The following CYP4B1 variants were observed in gnomAD, a reference collection of about 807,000 sequenced individuals.
The protein encoded by CYP4B1 is cytochrome P450 4B1.
Under a neutral mutation model 54.0 loss-of-function variants are expected in CYP4B1, and 45 were observed. That is an observed-to-expected ratio of 0.83 (90% CI 0.66 to 1.07). CYP4B1 has a LOEUF of 1.07. CYP4B1 is among the 50% of genes least tolerant of loss of function. The pLI is 0.00. For synonymous variants in CYP4B1, 248 were observed against 247.5 expected (o/e 1.00, Z -0.02); for missense variants, 656 against 655.4 (o/e 1.00, Z -0.01).
chr1:46,813,701 A>G (rs1338346150), intron 5 of CYP4B1, 95 bp downstream of exon 5: 1 of 1,557,392 alleles, frequency 6.4e-7, no homozygotes, highest in Non-Finnish European at 8.7e-7. Context: ...GAGAAGAGAT[A>G]GGGTCCTGCC....
rs1679370845 is a variant in CYP4B1, at chr1:46,817,200, G to C, written c.1207+19G>C. 1.2e-6 allele frequency: 2 copies of C among 1,613,776 alleles called. No individual in the cohort carries two copies. Among genetic ancestry groups the C allele is most frequent in the East Asian group, 2.2e-5 (1 of 44,876 alleles). On this transcript the variant is annotated intron_variant, in intron 9 of 11. Coordinates refer to ENST00000371923, the MANE Select transcript of CYP4B1 (RefSeq NM_001099772.2). ...CCTGCAGGTGGGATGGGTGGATTTG[G>C]GGGTGGAAAAGGAGTCCCTGCATGC...
chr1:46,813,949 CTG>C lies in CYP4B1; in HGVS notation c.663_664del (p.Leu222AspfsTer12). The C allele has an allele frequency of 1.2e-6, 2 of 1,614,178 alleles. No homozygotes were observed. The highest frequency in any genetic ancestry group is 1.7e-6 in the Non-Finnish European group (2 of 1,180,022). ...SYYLAVSDLT[L>X]LMQQRLVSFQ... Reference sequence around the variant, plus strand: ...CTACCTTGCAGTCAGCGATCTCACTCTGTTGATGCAGCAGCGCCTTGTGTCCT... The same window carrying C: ...CTACCTTGCAGTCAGCGATCTCACTCTTGATGCAGCAGCGCCTTGTGTCCT... On this transcript the variant is annotated frameshift_variant, in exon 6 of 12. Coordinates refer to ENST00000371923, the MANE Select transcript of CYP4B1 (RefSeq NM_001099772.2). LOFTEE classifies it high-confidence loss of function.
At chr1:46,800,022 A>G (rs1181439668) in intron 1 of CYP4B1, among the ~76,000 whole-genome samples, 1 of 152,146 alleles carries the variant, frequency 6.6e-6, no homozygotes, top group Non-Finnish European at 1.5e-5. Flanking sequence ...TCAGATTGGA[A>G]CTAGGAGTTT....
chr1:46,814,346 G>A (rs768587657), intron 7 of CYP4B1, 31 bp downstream of exon 7: 3 of 1,551,656 alleles, frequency 1.9e-6, no homozygotes, highest in Non-Finnish European at 1.8e-6. Flanking sequence ...CCCTACCTGA[G>A]GACTGGTCCC....
rs911882102 is a variant in CYP4B1 at position 46,818,201 on chromosome 1, C to A, written c.1343C>A (p.Ser448Tyr). 1 of 1,613,862 alleles carries A rather than the reference C, an allele frequency of 6.2e-7. No homozygotes were observed. The highest frequency in any genetic ancestry group is 8.5e-7 in the Non-Finnish European group (1 of 1,179,892). ...CATCCCTTTGCCTTTATGCCCTTCT[C>A]TGCTGGGCCCAGGTATGGAGAGACC... is the stretch of plus-strand genomic sequence containing the variant. The part of the protein sequence containing the change: ...KRHPFAFMPF[S>Y]AGPRNCIGQQ... The change falls in exon 11 of 12, where the codon TCT becomes TAT. Residue 448 changes from serine to tyrosine, a missense_variant. Coordinates refer to ENST00000371923, the MANE Select transcript of CYP4B1 (RefSeq NM_001099772.2).
At chr1:46,800,249 C>CTTT (rs1557484855) in intron 1 of CYP4B1, among the ~76,000 whole-genome samples, 323 of 52,682 alleles carry the variant, frequency 6.1e-3, no homozygotes, top group Non-Finnish European at 8.5e-3. Flanking sequence ...TTCCTTCCTT[C>CTTT]CTTCCTTCCT....
At chr1:46,811,408 C>T (rs779771629) in intron 3 of CYP4B1, among the ~76,000 whole-genome samples, 12 of 152,216 alleles carry the variant, frequency 7.9e-5, no homozygotes, top group Admixed American at 5.9e-4. Flanking sequence ...CTAGACAGGG[C>T]AAAGGCTTTG....
At chr1:46,817,886 C>T (rs1679398612) in intron 9 of CYP4B1, 79 bp from the exon 10 acceptor site, 1 of 1,298,952 alleles carries the variant, frequency 7.7e-7, no homozygotes, top group Non-Finnish European at 1.1e-6. Flanking sequence ...TAAGGGGTCA[C>T]TAGGGGACTC....
intron 5 of CYP4B1, 139 bp from the exon 6 acceptor site, chr1:46,813,770 C>A: frequency 7.0e-7 from 1 of 1,427,750 alleles, no homozygotes; most frequent in Non-Finnish European, 9.6e-7. Context: ...AAACACCTGG[C>A]TTTAGCAAGG....
chr1:46,810,067 C>T (rs775945200), intron 1 of CYP4B1, among the ~76,000 whole-genome samples: 5 of 152,162 alleles, frequency 3.3e-5, no homozygotes, highest in African/African-American at 1.2e-4. Context: ...CTTTCCCAAC[C>T]CAGCGCGTTT....
chr1:46,800,760 C>A (rs368387399), intron 1 of CYP4B1, among the ~76,000 whole-genome samples: 8 of 152,266 alleles, frequency 5.3e-5, no homozygotes, highest in South Asian at 4.1e-4. Flanking sequence ...TGAGCTTGAC[C>A]TCTAGGCTTA....
chr1:46,813,810 G>C (rs1311024413), intron 5 of CYP4B1, 99 bp from the exon 6 acceptor site: 3 of 1,474,096 alleles, frequency 2.0e-6, no homozygotes, highest in Admixed American at 1.8e-5. Flanking sequence ...AGAAGAGCAG[G>C]ATGCTCTGTG....
At chr1:46,810,731 C>T (rs997270687) in intron 1 of CYP4B1, 77 bp from the exon 2 acceptor site, 16 of 1,553,508 alleles carry the variant, frequency 1.0e-5, no homozygotes, top group African/African-American at 1.4e-5. Context: ...GCCTTCTCCC[C>T]TGCCCTCCCA....
chr1:46,804,620 CAG>C (rs771091799), intron 1 of CYP4B1, among the ~76,000 whole-genome samples: 9 of 151,894 alleles, frequency 5.9e-5, no homozygotes, highest in Admixed American at 4.6e-4. Context: ...TCTCCTGAAA[CAG>C]AGGGAAACAG....
rs772639166 is a variant in CYP4B1, at chr1:46,817,088, A to C, written c.1114A>C (p.Lys372Gln). Residue 372 changes from lysine (K) to glutamine (Q), a missense_variant, in exon 9 of 12, where the codon AAG (lysine) becomes CAG (glutamine). Lys to Gln is a moderately conservative substitution (Grantham distance 53). Transcript: ENST00000371923. Reference sequence around the variant, plus strand: ...AATGACTTATCTGACCATGTGCATCAAGGAGAGCTTCCGCCTCTACCCACC... The same window carrying C: ...AATGACTTATCTGACCATGTGCATCCAGGAGAGCTTCCGCCTCTACCCACC... ...GKMTYLTMCIKESFRLYPPVP... is the reference protein window; with the variant it reads ...GKMTYLTMCIQESFRLYPPVP... 1 of 1,614,050 alleles carries C rather than the reference A, an allele frequency of 6.2e-7. No individual in the cohort carries two copies. Among genetic ancestry groups the C allele is most frequent in the Non-Finnish European group, 8.5e-7 (1 of 1,180,026 alleles).
At position 46,816,582 on chromosome 1, in the gene CYP4B1, A is replaced by G. The variant is rs554272436; in HGVS notation, c.1074-466A>G. Among the ~76,000 whole-genome samples, 7 of 94,484 alleles carry G rather than the reference A, an allele frequency of 7.4e-5. No homozygotes were observed. In the South Asian group the frequency reaches 2.3e-3, roughly 31 times the overall value. 62.0% of individuals were successfully genotyped at this position (94,484 alleles called of 152,430 possible). A position where few individuals can be genotyped will look rare whatever the true frequency, so the allele number is the denominator to read the frequency against. On this transcript the variant is annotated intron_variant, in intron 8 of 11. Coordinates refer to ENST00000371923, the MANE Select transcript of CYP4B1 (RefSeq NM_001099772.2). Reference sequence around the variant, plus strand: ...GCTTCCCGGTTGCCAAAGGGAAAAGACACACACACACACACACACACACTT... The same window carrying G: ...GCTTCCCGGTTGCCAAAGGGAAAAGGCACACACACACACACACACACACTT...
Position 46,813,475 on chromosome 1 carries a change from A to G in CYP4B1, c.496-7A>G. On this transcript the variant is annotated splice_polypyrimidine_tract_variant and splice_region_variant and intron_variant, in intron 4 of 11. Coordinates refer to ENST00000371923, the MANE Select transcript of CYP4B1 (RefSeq NM_001099772.2). ...CCTACACATTGCCTCCTATCCCTGG[A>G]CTCCAGGACAAGTGGGAAGAGAAAG... 6.2e-7 allele frequency: 1 copy of G among 1,614,008 alleles called. No individual in the cohort carries two copies. Among genetic ancestry groups the G allele is most frequent in the Non-Finnish European group, 8.5e-7 (1 of 1,179,994 alleles).
chr1:46,799,168 C>T lies in CYP4B1; in HGVS notation c.87C>T (p.Leu29=). 6.2e-7 allele frequency: 1 copy of T among 1,613,134 alleles called. No homozygotes were observed. ...GLILVLGFLK[L]IHLLLRRQTL... Reference sequence around the variant, plus strand: ...TCTTGGTCTTAGGCTTTCTCAAGCTCATCCACCTGCTGCTGCGGAGGCAGA... The same window carrying T: ...TCTTGGTCTTAGGCTTTCTCAAGCTTATCCACCTGCTGCTGCGGAGGCAGA... The change falls in exon 1 of 12, where the codon CTC becomes CTT. Residue 29 remains leucine, a synonymous_variant. Transcript: ENST00000371923.
chr1:46,812,715 T>A, intron 4 of CYP4B1, 92 bp downstream of exon 4: 2 of 1,446,618 alleles, frequency 1.4e-6, no homozygotes, highest in Non-Finnish European at 1.9e-6. Context: ...TAGGTGGTGC[T>A]CTGCAGTAAG....
Sources: allele counts gnomAD v4.1 joint callset (sites outside exome capture counted in the v4.1 genomes callset), GRCh38; gene constraint gnomAD v4.1.1; transcripts MANE v1.5; gene names NCBI Gene and HGNC (gene_info 2026-07-23, HGNC 2026-07-21).